The following SYNGR1 variants were observed in gnomAD, a reference collection of about 807,000 sequenced individuals.
The protein encoded by SYNGR1 is synaptogyrin 1.
Under a neutral mutation model 26.1 loss-of-function variants are expected in SYNGR1, and 14 were observed. That is an observed-to-expected ratio of 0.54 (90% CI 0.35 to 0.84). The LOEUF is 0.84. Among genes scored for constraint, SYNGR1 ranks in the 40% least tolerant of loss-of-function variants. The pLI is 0.01. For missense variants in SYNGR1, 319 were observed against 332.9 expected (o/e 0.96, Z 0.33); for synonymous variants, 141 against 150.1 (o/e 0.94, Z 0.44).
chr22:39,376,470 C>A (rs930901600), intron 3 of SYNGR1, among the ~76,000 whole-genome samples: 6 of 152,182 alleles, frequency 3.9e-5, no homozygotes, highest in South Asian at 2.1e-4. Context: ...ACCACCCCCC[C>A]CCCAAACCAC....
chr22:39,354,566 G>A (rs1342038835), intron 1 of SYNGR1, among the ~76,000 whole-genome samples: 2 of 152,204 alleles, frequency 1.3e-5, no homozygotes, highest in Non-Finnish European at 2.9e-5. Flanking sequence ...TTGGCCAGGT[G>A]AGGTGGCTCA....
At chr22:39,364,319 G>T (rs1337032798) in intron 1 of SYNGR1, 1 of 1,614,008 alleles carries the variant, frequency 6.2e-7, no homozygotes, top group Admixed American at 1.7e-5. Flanking sequence ...TCTGCTGTGG[G>T]TCAGCGAGAG....
rs769288920 is a variant in SYNGR1 at position 39,381,879 on chromosome 22, ACCGAGC to A, written c.670_675del (p.Glu224_Pro225del). The A allele has an allele frequency of 2.1e-5, 34 of 1,612,452 alleles. No homozygotes were observed. Among genetic ancestry groups the A allele is most frequent in the Non-Finnish European group, 2.8e-5 (33 of 1,179,800 alleles). On this transcript the variant is annotated inframe_deletion, in exon 4 of 4. Transcript: ENST00000328933. ...CCAGCAGCCGGCCAACACCTTCGACACCGAGCCCCAGGGCTACCAGTCGCAGGGCTA... is the reference window on the plus strand; with the variant it reads ...CCAGCAGCCGGCCAACACCTTCGACACCCAGGGCTACCAGTCGCAGGGCTA...
At chr22:39,376,607 G>A (rs971286916) in intron 3 of SYNGR1, among the ~76,000 whole-genome samples, 6 of 152,198 alleles carry the variant, frequency 3.9e-5, no homozygotes, top group Admixed American at 3.3e-4. Context: ...ACCTGCTTCC[G>A]ATCGGGGCTG....
chr22:39,381,608 T>A (rs1925499529), intron 3 of SYNGR1, 88 bp from the exon 4 acceptor site: 1 of 1,372,756 alleles, frequency 7.3e-7, no homozygotes. Context: ...TCCTGTGAAC[T>A]AACCACCACT....
intron 1 of SYNGR1, among the ~76,000 whole-genome samples, chr22:39,373,945 G>T (rs1925148261): frequency 6.6e-6 from 1 of 152,202 alleles, no homozygotes; most frequent in Non-Finnish European, 1.5e-5. Context: ...GGGCTGGGCA[G>T]GTCCACAGCC....
rs1354615311 is a variant in SYNGR1, at chr22:39,350,302, C to T, written c.99+193C>T. ...TTCCCGGGCCCGGGGCGGGCGGGAT[C>T]CCTGGTGCTCGCGGGAGACGCCGCT... On this transcript the variant is annotated intron_variant, in intron 1 of 3. Transcript: ENST00000328933. This position sits in a 1 kb window ranked among gnomAD's most constrained non-coding sequence, Gnocchi z 4.3. 6.6e-6 allele frequency among the ~76,000 whole-genome samples: 1 copy of T among 151,894 alleles called. No homozygotes were observed. The highest frequency in any genetic ancestry group is 2.4e-5 in the African/African-American group (1 of 41,414).
At chr22:39,375,761 C>T (rs1569182422) in intron 2 of SYNGR1, 1 of 603,770 alleles carries the variant, frequency 1.7e-6, no homozygotes, top group Non-Finnish European at 3.0e-6. Flanking sequence ...CTGTCTCTCC[C>T]TCCATCCTCC....
In SYNGR1 at chr22:39,381,871, C is replaced by A. The variant is rs764398042; in HGVS notation, c.659C>A (p.Thr220Asn). 6.2e-7 allele frequency: 1 copy of A among 1,612,790 alleles called. No individual in the cohort carries two copies. The highest frequency in any genetic ancestry group is 1.3e-5 in the African/African-American group (1 of 74,918). Residue 220 changes from threonine to asparagine, a missense_variant, in exon 4 of 4, where the codon ACC becomes AAC. Transcript: ENST00000328933. ...MGGTYQQPANTFDTEPQGYQS... is the reference protein window; with the variant it reads ...MGGTYQQPANNFDTEPQGYQS... The stretch of plus-strand genomic sequence containing the variant: ...GGCACCTACCAGCAGCCGGCCAACA[C>A]CTTCGACACCGAGCCCCAGGGCTAC...
At chr22:39,365,765 C>T (rs73885204) in intron 1 of SYNGR1, among the ~76,000 whole-genome samples, 3,096 of 152,132 alleles carry the variant, frequency 0.02, 103 homozygotes, top group African/African-American at 0.072. Flanking sequence ...CATTTGCAGG[C>T]GACGGCTCTG....
At chr22:39,374,623 T>TCCCG in intron 2 of SYNGR1, 70 bp downstream of exon 2, 1 of 1,510,288 alleles carries the variant, frequency 6.6e-7, no homozygotes, top group Non-Finnish European at 9.1e-7. Flanking sequence ...AGGAGGCGGC[T>TCCCG]GCCACCCTTC....
At chr22:39,366,626 A>G (rs763032307) in intron 1 of SYNGR1, among the ~76,000 whole-genome samples, 34 of 152,106 alleles carry the variant, frequency 2.2e-4, no homozygotes, top group Non-Finnish European at 4.4e-4. Context: ...AGTCCGGGCA[A>G]CAGAGCGAGA....
intron 1 of SYNGR1, among the ~76,000 whole-genome samples, chr22:39,362,536 A>T (rs5757637): frequency 6.6e-6 from 1 of 151,874 alleles, no homozygotes; most frequent in African/African-American, 2.4e-5. Context: ...GGCTTCAGCC[A>T]TTTTCCTCAC....
chr22:39,355,215 CCT>C lies in SYNGR1; in HGVS notation c.99+5109_99+5110del, dbSNP rs369054607. On this transcript the variant is annotated intron_variant, in intron 1 of 3. Coordinates refer to ENST00000328933, the MANE Select transcript of SYNGR1 (RefSeq NM_004711.5). The stretch of plus-strand genomic sequence containing the variant: ...GATGACAGACTCACAAGCTGGACTT[CCT>C]CTGAGGGCAGTGGGAAGCTGGAGAG... Among the ~76,000 whole-genome samples the C allele has an allele frequency of 1.0e-3, 154 of 152,320 alleles. 1 individual carries two copies. Among genetic ancestry groups the C allele is most frequent in the African/African-American group, 3.6e-3 (148 of 41,568 alleles).
At chr22:39,376,675 G>T (rs79262580) in intron 3 of SYNGR1, among the ~76,000 whole-genome samples, 1,676 of 152,278 alleles carry the variant, frequency 0.011, 17 homozygotes, top group Non-Finnish European at 0.015. Context: ...TAGGATCTGG[G>T]GGACACAGGT....
At chr22:39,377,157 C>G in intron 3 of SYNGR1, 1 of 1,476,166 alleles carries the variant, frequency 6.8e-7, no homozygotes, top group Non-Finnish European at 9.0e-7. Context: ...GGCCGCCAGC[C>G]GTCCCTGTTT....
chr22:39,349,995 C>T lies in SYNGR1; in HGVS notation c.-16C>T, dbSNP rs757407643. ...GGCGCGCGCCGAGCGGGGGGCACCG[C>T]GCGGGTGCAGCCACGATGGAAGGGG... On this transcript the variant is annotated 5_prime_UTR_variant, in exon 1 of 4. Transcript: ENST00000328933. 1.0e-5 allele frequency: 12 copies of T among 1,184,836 alleles called. No homozygotes were observed. The highest frequency in any genetic ancestry group is 2.3e-5 in the South Asian group (1 of 43,100). 73.4% of individuals were successfully genotyped at this position (1,184,836 alleles called of 1,614,324 possible). A position where few individuals can be genotyped will look rare whatever the true frequency, so the allele number is the denominator to read the frequency against.
intron 2 of SYNGR1, chr22:39,374,762 C>T: frequency 1.6e-6 from 1 of 620,260 alleles, no homozygotes; most frequent in Non-Finnish European, 2.8e-6. Flanking sequence ...ATGCTGCCCA[C>T]AGGCAGGGGA....
At chr22:39,351,368 T>G (rs1011084650) in intron 1 of SYNGR1, among the ~76,000 whole-genome samples, 2 of 152,236 alleles carry the variant, frequency 1.3e-5, no homozygotes, top group Non-Finnish European at 2.9e-5. Flanking sequence ...TTAAAGCCTT[T>G]TCTTCTCAAA....
Sources: allele counts gnomAD v4.1 joint callset (sites outside exome capture counted in the v4.1 genomes callset), GRCh38; gene constraint gnomAD v4.1.1; non-coding constraint Gnocchi (gnomAD v3.1); transcripts MANE v1.5; gene names NCBI Gene and HGNC (gene_info 2026-07-23, HGNC 2026-07-21).